USP9X: variants seen among roughly 807,000 people sequenced by gnomAD.
The protein encoded by USP9X is ubiquitin carboxyl-terminal hydrolase 9X.
A neutral mutation model predicts 190.3 loss-of-function variants in USP9X; 7 were observed. That is an observed-to-expected ratio of 0.04 (90% CI 0.02 to 0.07). The LOEUF is 0.07. Among genes scored for constraint, USP9X ranks in the 10% least tolerant of loss-of-function variants. The pLI is 1.00. For missense variants in USP9X, 1,010 were observed against 1,916.9 expected, an observed-to-expected ratio of 0.53 and a Z score of 8.83; for synonymous variants, 645 against 659.5, an observed-to-expected ratio of 0.98 and a Z score of 0.34.
intron 2 of USP9X, among the ~76,000 whole-genome samples, chrX:41,125,680 A>ACTCTCTCTCTCTCT (rs1270231301): frequency 1.1e-4 from 3 of 26,643 alleles, no homozygotes; most frequent in South Asian, 1.9e-3. Flanking sequence ...ACACACACAC[A>ACTCTCTCTCTCTCT]CACACTCTCT....
intron 21 of USP9X, among the ~76,000 whole-genome samples, chrX:41,175,705 T>G (rs1268261964): frequency 9.0e-6 from 1 of 110,657 alleles, no homozygotes; most frequent in Non-Finnish European, 1.9e-5. Context: ...GCTCCCTGGC[T>G]CTCTAAGCAG....
chrX:41,183,021 G>A (rs1602009225), intron 21 of USP9X, among the ~76,000 whole-genome samples: 2 of 107,775 alleles, frequency 1.9e-5, no homozygotes, highest in African/African-American at 3.4e-5. Context: ...TCACTGCAAC[G>A]TCCGCCTCCC....
In USP9X at chrX:41,118,305, C is replaced by T. The variant is rs762927525; in HGVS notation, c.-158-5166C>T. 3.3e-4 allele frequency among the ~76,000 whole-genome samples: 37 copies of T among 110,811 alleles called. No homozygotes were observed. The South Asian group carries it at 0.014, about 42-fold the overall frequency. On this transcript the variant is annotated intron_variant, in intron 1 of 44. Transcript: ENST00000378308. ...CAATAACTCCCCATCCCCCCAGCCCCTGGCAACCATCATTCTACTTTCTGT... is the reference window on the plus strand; with the variant it reads ...CAATAACTCCCCATCCCCCCAGCCCTTGGCAACCATCATTCTACTTTCTGT...
At chrX:41,167,384 A>T (rs766742904) in intron 16 of USP9X, 98 bp from the exon 17 acceptor site, 23 of 598,942 alleles carry the variant, frequency 3.8e-5, no homozygotes, top group Admixed American at 2.4e-4. Flanking sequence ...AAATCATTGA[A>T]TAGTGTGTTT....
intron 14 of USP9X, among the ~76,000 whole-genome samples, chrX:41,159,598 C>T (rs1029029630): frequency 3.6e-5 from 4 of 109,751 alleles, no homozygotes; most frequent in Non-Finnish European, 5.7e-5. Flanking sequence ...GGCGCCAGCT[C>T]GGCACACTGC....
chrX:41,095,043 C>CAA (rs35922180), intron 1 of USP9X, among the ~76,000 whole-genome samples: 5 of 70,779 alleles, frequency 7.1e-5, no homozygotes, highest in Admixed American at 1.6e-4. Context: ...GACTCCGTCT[C>CAA]AAAAAAAAAA....
chrX:41,212,144 G>C (rs1213194060), intron 33 of USP9X, among the ~76,000 whole-genome samples: 3 of 110,496 alleles, frequency 2.7e-5, no homozygotes, highest in East Asian at 2.8e-4. Flanking sequence ...TTAGGATCCT[G>C]TTGATCTGTG....
chrX:41,088,691 G>T (rs73478494), intron 1 of USP9X, among the ~76,000 whole-genome samples: 113 of 111,005 alleles, frequency 1.0e-3, no homozygotes, highest in African/African-American at 3.6e-3. Context: ...CTGAAAGAAC[G>T]TATTACTTTT....
chrX:41,167,914 TAAATC>T, intron 17 of USP9X, 88 bp from the exon 18 acceptor site: 3 of 706,558 alleles, frequency 4.2e-6, no homozygotes, highest in Non-Finnish European at 6.2e-6. Context: ...GTGCTACAAT[TAAATC>T]AGCCATTGCC....
intron 12 of USP9X, among the ~76,000 whole-genome samples, chrX:41,150,318 T>C (rs2062513018): frequency 8.9e-6 from 1 of 111,829 alleles, no homozygotes; most frequent in South Asian, 3.6e-4. Context: ...TAAAATACCA[T>C]AATTGAAATA....
intron 14 of USP9X, among the ~76,000 whole-genome samples, chrX:41,159,676 C>T (rs1185661245): frequency 9.0e-6 from 1 of 111,496 alleles, no homozygotes; most frequent in Non-Finnish European, 1.9e-5. Context: ...ATTACAGGCA[C>T]ATGCCGCCAT....
intron 44 of USP9X, among the ~76,000 whole-genome samples, chrX:41,231,355 T>C (rs939563715): frequency 8.9e-6 from 1 of 112,118 alleles, no homozygotes; most frequent in African/African-American, 3.2e-5. Flanking sequence ...AGGCATTCTT[T>C]CTTACATTTC....
intron 12 of USP9X, among the ~76,000 whole-genome samples, chrX:41,149,710 CT>C (rs11445571): frequency 1.1e-4 from 11 of 103,704 alleles, no homozygotes; most frequent in African/African-American, 1.1e-4. Flanking sequence ...TGAATAATTA[CT>C]TTTTTTTTTT....
intron 21 of USP9X, among the ~76,000 whole-genome samples, chrX:41,181,435 C>CTTTT (rs200403625): frequency 0.013 from 515 of 38,481 alleles, 145 homozygotes; most frequent in East Asian, 0.039. Context: ...CCACACCTGA[C>CTTTT]TTTTTTTTTT....
chrX:41,164,114 G>C (rs189240209), intron 15 of USP9X, among the ~76,000 whole-genome samples: 26 of 111,277 alleles, frequency 2.3e-4, no homozygotes, highest in African/African-American at 8.2e-4. Context: ...CTCGTGATCT[G>C]CCCGCCTCGG....
In USP9X at chrX:41,151,496, C is replaced by A. The variant is rs192617249; in HGVS notation, c.1763+439C>A. ...GCTGTCTTTATACTATCTTAGGTGT[C>A]ATATTCTGGTTACTGAAATAATTTG... On this transcript the variant is annotated intron_variant, in intron 13 of 44. Coordinates refer to ENST00000378308, the MANE Select transcript of USP9X (RefSeq NM_001039591.3). Among the ~76,000 whole-genome samples the A allele has an allele frequency of 1.3e-4, 14 of 111,637 alleles. No individual in the cohort carries two copies. In the East Asian group the frequency reaches 2.8e-3, roughly 22 times the overall value.
rs2062897120 is a variant in USP9X at position 41,187,997 on chromosome X, A to G, written c.3690A>G (p.Ser1230=). ...ATTTACTCGTTATCTTGCAGGCTTC[A>G]AGATATATGCCTGATATTTGTGTAA... ...RLAQQISDEA[S]RYMPDICVIR... The change falls in exon 25 of 45, where the codon TCA becomes TCG. Residue 1230 remains serine (S), a synonymous_variant. Transcript: ENST00000378308. 8.3e-7 allele frequency: 1 copy of G among 1,207,657 alleles called. No individual in the cohort carries two copies. The highest frequency in any genetic ancestry group is 1.8e-5 in the South Asian group (1 of 56,363).
chrX:41,186,759 T>A, intron 24 of USP9X, 117 bp downstream of exon 24: 1 of 813,387 alleles, frequency 1.2e-6, no homozygotes, highest in South Asian at 2.7e-5. Flanking sequence ...ACTATTAATA[T>A]TAGTACTTTC....
At chrX:41,167,437 A>G in intron 16 of USP9X, 45 bp from the exon 17 acceptor site, 1 of 1,078,051 alleles carries the variant, frequency 9.3e-7, no homozygotes, top group Non-Finnish European at 1.3e-6. Flanking sequence ...GCCCAACAAA[A>G]ATATATGTTG....
Sources: allele counts gnomAD v4.1 joint callset (sites outside exome capture counted in the v4.1 genomes callset), GRCh38; gene constraint gnomAD v4.1.1; transcripts MANE v1.5; gene names NCBI Gene and HGNC (gene_info 2026-07-23, HGNC 2026-07-21).